EIF4G2: variants seen among roughly 807,000 people sequenced by gnomAD.
EIF4G2 encodes the protein eukaryotic translation initiation factor 4 gamma 2.
EIF4G2 carries 8 observed loss-of-function variants against 117.7 expected under a neutral mutation model. The ratio of observed to expected loss-of-function variants is 0.07; its 90% CI spans 0.04 to 0.12. The LOEUF is 0.12. Ranked by LOEUF, EIF4G2 falls within the 10% of genes least tolerant of loss-of-function variation. The pLI is 1.00. For synonymous variants in EIF4G2, 413 were observed against 367.8 expected, an observed-to-expected ratio of 1.12 and a Z score of -1.41; for missense variants, 812 against 1,086.2, an observed-to-expected ratio of 0.75 and a Z score of 3.55.
In EIF4G2 at chr11:10,803,643, G is replaced by A. The variant is rs1226918969; in HGVS notation, c.703-53C>T. The stretch of plus-strand genomic sequence containing the variant: ...AAGTTTTAGTTACTCTGGTTTAGGC[G>A]TAGTACTTTCTTTCCCTTTATGTTT... On this transcript the variant is annotated intron_variant, in intron 8 of 21. Coordinates refer to ENST00000339995, the MANE Select transcript of EIF4G2 (RefSeq NM_001418.4). This position sits in a 1 kb window ranked among gnomAD's most constrained non-coding sequence, Gnocchi z 4.0. 1.2e-5 allele frequency: 18 copies of A among 1,470,978 alleles called. No homozygotes were observed. The highest frequency in any genetic ancestry group is 4.5e-5 in the East Asian group (2 of 44,218). The allele number at this position is 1,470,978 out of a possible 1,614,324, so 91.1% of individuals were successfully genotyped here.
intron 1 of EIF4G2, chr11:10,807,770 G>A: frequency 1.0e-6 from 1 of 991,118 alleles, no homozygotes; most frequent in Non-Finnish European, 1.2e-6. Flanking sequence ...GACTAGATGA[G>A]GTCTCTCCGA....
chr11:10,806,325 G>A, intron 3 of EIF4G2: 1 of 462,576 alleles, frequency 2.2e-6, no homozygotes, highest in East Asian at 3.8e-5. Context: ...TATCAACGCT[G>A]TGGAACCACA....
chr11:10,803,781 T>C lies in EIF4G2; in HGVS notation c.702+118A>G. On this transcript the variant is annotated intron_variant, in intron 8 of 21. Coordinates refer to ENST00000339995, the MANE Select transcript of EIF4G2 (RefSeq NM_001418.4). This position sits in a 1 kb window ranked among gnomAD's most constrained non-coding sequence, Gnocchi z 4.0. Reference sequence around the variant, plus strand: ...ACACCACGTATTTCAAATTATTCTGTTTAGTAAATTTTGTTGCACATCTGT... The same window carrying C: ...ACACCACGTATTTCAAATTATTCTGCTTAGTAAATTTTGTTGCACATCTGT... The C allele has an allele frequency of 7.6e-7, 1 of 1,320,426 alleles. No homozygotes were observed. Among genetic ancestry groups the C allele is most frequent in the Non-Finnish European group, 1.0e-6 (1 of 957,028 alleles). The allele number at this position is 1,320,426 out of a possible 1,614,324, so 81.8% of individuals were successfully genotyped here.
At position 10,803,405 on chromosome 11, in the gene EIF4G2, T is replaced by C. The variant is rs146858486; in HGVS notation, c.813+75A>G. 9.0e-4 allele frequency: 1,410 copies of C among 1,562,050 alleles called. 12 individuals are homozygous for C. The African/African-American group carries it at 0.016, about 18-fold the overall frequency. ...GTTAATGGCTAAATATGGCAATCCC[T>C]TATGATGTCACAAAAATCAATAGCT... On this transcript the variant is annotated intron_variant, in intron 9 of 21. Transcript: ENST00000339995. This position sits in a 1 kb window ranked among gnomAD's most constrained non-coding sequence, Gnocchi z 4.0.
In EIF4G2 at chr11:10,807,400, C is replaced by A; in HGVS notation, c.-86-19G>T. ...GAAATACCTGGAACGAGAAAGAGCA[C>A]CAAAATTAGACACTGCTAACATACA... On this transcript the variant is annotated intron_variant, in intron 1 of 21. Transcript: ENST00000339995. 2 of 1,585,668 alleles carry A rather than the reference C, an allele frequency of 1.3e-6. No homozygotes were observed. Among genetic ancestry groups the A allele is most frequent in the South Asian group, 2.3e-5 (2 of 87,678 alleles).
Position 10,800,560 on chromosome 11 carries a change from G to C in EIF4G2, c.1732C>G (p.Leu578Val), listed in dbSNP as rs768276646. 10 of 1,614,014 alleles carry C rather than the reference G, an allele frequency of 6.2e-6. No homozygotes were observed. Among genetic ancestry groups the C allele is most frequent in the African/African-American group, 1.3e-5 (1 of 74,916 alleles). ...ATTACTTTGCTTAACATCTCAGGAA[G>C]AAAGTGTTTAGGAGCCCTCATTTCT... The change falls in exon 17 of 22, where the codon CTT becomes GTT. Residue 578 changes from leucine (L) to valine (V), a missense_variant. Leu to Val is a conservative substitution (Grantham distance 32). Around this residue, in one of 4 missense-constraint regions of EIF4G2, gnomAD observed 571 missense variants for 642.3 expected, o/e 0.89. Coordinates refer to ENST00000339995, the MANE Select transcript of EIF4G2 (RefSeq NM_001418.4).
chr11:10,801,183 A>G, intron 14 of EIF4G2, 96 bp from the exon 15 acceptor site: 1 of 1,512,788 alleles, frequency 6.6e-7, no homozygotes, highest in South Asian at 1.3e-5. Flanking sequence ...GACAGAATCT[A>G]GGGAAACATT....
At chr11:10,807,474 G>A (rs1415436301) in intron 1 of EIF4G2, 93 bp from the exon 2 acceptor site, 2 of 1,414,626 alleles carry the variant, frequency 1.4e-6, no homozygotes, top group South Asian at 1.6e-5. Context: ...TCCTGGCACT[G>A]TCACTGCATT....
chr11:10,805,265 C>T (rs1443782232), intron 4 of EIF4G2, among the ~76,000 whole-genome samples: 2 of 152,106 alleles, frequency 1.3e-5, no homozygotes, highest in Non-Finnish European at 2.9e-5. Context: ...AAGGTTAGAG[C>T]GCAAAGATCT....
chr11:10,804,125 T>C lies in EIF4G2; in HGVS notation c.550+12A>G, dbSNP rs1240098367. 1.2e-6 allele frequency: 2 copies of C among 1,614,152 alleles called. No homozygotes were observed. The highest frequency in any genetic ancestry group is 8.5e-7 in the Non-Finnish European group (1 of 1,179,978). The stretch of plus-strand genomic sequence containing the variant: ...ATATACAGTAGTACTTATTATCAGC[T>C]ATAAGTCTTACCATCAACATTTCTA... On this transcript the variant is annotated intron_variant, in intron 7 of 21. Transcript: ENST00000339995.
rs769244898 is a variant in EIF4G2, at chr11:10,800,659, A to C, written c.1645-12T>G. On this transcript the variant is annotated splice_polypyrimidine_tract_variant and intron_variant, in intron 16 of 21. Transcript: ENST00000339995. ...GTCACAACAGTTTCCTGTGAAGAACACAAGTATCTTTAATGTATTCTCTAT... is the reference window on the plus strand; with the variant it reads ...GTCACAACAGTTTCCTGTGAAGAACCCAAGTATCTTTAATGTATTCTCTAT... 1.9e-6 allele frequency: 3 copies of C among 1,613,968 alleles called. No homozygotes were observed. The African/African-American group carries it at 4.0e-5, about 22-fold the overall frequency.
intron 1 of EIF4G2, 178 bp downstream of exon 1, chr11:10,808,527 G>C: frequency 4.2e-6 from 5 of 1,194,280 alleles, no homozygotes; most frequent in Non-Finnish European, 5.3e-6. Context: ...TCAGCAACAG[G>C]AAGAGAGAAC....
Position 10,800,575 on chromosome 11 carries a change from C to T in EIF4G2, c.1717G>A (p.Ala573Thr). The stretch of plus-strand genomic sequence containing the variant: ...ATCTCAGGAAGAAAGTGTTTAGGAG[C>T]CCTCATTTCTCTTACACCATTGACA... The change falls in exon 17 of 22, where the codon GCT (alanine) becomes ACT (threonine). Residue 573 changes from alanine to threonine, a missense_variant. This residue lies in a region of EIF4G2 where 571 missense variants were observed against 642.3 expected (regional missense o/e 0.89). Coordinates refer to ENST00000339995, the MANE Select transcript of EIF4G2 (RefSeq NM_001418.4). The T allele has an allele frequency of 1.9e-6, 3 of 1,614,132 alleles. No homozygotes were observed. The highest frequency in any genetic ancestry group is 2.5e-6 in the Non-Finnish European group (3 of 1,180,032).
intron 4 of EIF4G2, 27 bp from the exon 5 acceptor site, chr11:10,805,042 G>C (rs116615653): frequency 6.5e-7 from 1 of 1,544,156 alleles, no homozygotes; most frequent in African/African-American, 1.4e-5. Flanking sequence ...TACATTTTAA[G>C]TGTTAGCTAA....
In EIF4G2 at chr11:10,800,605, C is replaced by G; in HGVS notation, c.1687G>C (p.Glu563Gln). 6.2e-7 allele frequency: 1 copy of G among 1,614,196 alleles called. No homozygotes were observed. The highest frequency in any genetic ancestry group is 8.5e-7 in the Non-Finnish European group (1 of 1,180,040). Residue 563 changes from glutamate to glutamine, a missense_variant, in exon 17 of 22, where the codon GAG becomes CAG. Physicochemically the swap from Glu to Gln is conservative, Grantham distance 29. This residue lies in a region of EIF4G2 where 571 missense variants were observed against 642.3 expected (regional missense o/e 0.89). Coordinates refer to ENST00000339995, the MANE Select transcript of EIF4G2 (RefSeq NM_001418.4). Reference sequence around the variant, plus strand: ...ATTTCTCTTACACCATTGACAGCCTCATTTGCATTTCCACTATTTAGATAT... The same window carrying G: ...ATTTCTCTTACACCATTGACAGCCTGATTTGCATTTCCACTATTTAGATAT...
chr11:10,805,813 G>A (rs976273346), intron 4 of EIF4G2, 94 bp downstream of exon 4: 1 of 1,548,472 alleles, frequency 6.5e-7, no homozygotes, highest in African/African-American at 1.4e-5. Flanking sequence ...CATACTCTGG[G>A]CATGAACCTT....
rs370739244 is a variant in EIF4G2 at position 10,799,505 on chromosome 11, T to C, written c.2324+47A>G. ...CAACTCTTAGTCTCCTACGCTTCTT[T>C]TCCAGTACATGAAACATTACCATAT... is the stretch of plus-strand genomic sequence containing the variant. On this transcript the variant is annotated intron_variant, in intron 19 of 21. Coordinates refer to ENST00000339995, the MANE Select transcript of EIF4G2 (RefSeq NM_001418.4). The C allele has an allele frequency of 3.5e-5, 57 of 1,609,628 alleles. No individual in the cohort carries two copies. In the African/African-American group the frequency reaches 6.8e-4, roughly 19 times the overall value.
At chr11:10,808,333 C>CGTT (rs1403681819) in intron 1 of EIF4G2, 2 of 1,195,498 alleles carry the variant, frequency 1.7e-6, no homozygotes, top group African/African-American at 1.7e-5. Flanking sequence ...CCCGCGCCAA[C>CGTT]GGCCTGGCCT....
intron 4 of EIF4G2, among the ~76,000 whole-genome samples, chr11:10,805,477 A>T (rs1306242336): frequency 6.6e-6 from 1 of 151,350 alleles, no homozygotes; most frequent in Non-Finnish European, 1.5e-5. Flanking sequence ...TTTGAGACAC[A>T]GTCTTGCTCT....
Sources: allele counts gnomAD v4.1 joint callset (sites outside exome capture counted in the v4.1 genomes callset), GRCh38; gene constraint gnomAD v4.1.1; regional missense constraint gnomAD v4.1.1; non-coding constraint Gnocchi (gnomAD v3.1); transcripts MANE v1.5; gene names NCBI Gene and HGNC (gene_info 2026-07-23, HGNC 2026-07-21).